Variants in NLRP1 observed in about 807,000 individuals in gnomAD.
NLRP1 encodes the protein NLR family pyrin domain containing 1.
NLRP1 carries 94 observed loss-of-function variants against 136.7 expected under a neutral mutation model. The observed-to-expected ratio is 0.69, with a 90% confidence interval of 0.58 to 0.82. NLRP1 has a LOEUF of 0.82. Ranked by LOEUF, NLRP1 falls within the 40% of genes least tolerant of loss-of-function variation. The pLI, the probability that NLRP1 is intolerant of heterozygous loss-of-function variation, is 0.00. For missense variants in NLRP1, 1,575 were observed against 1,802.7 expected, an observed-to-expected ratio of 0.87 and a Z score of 2.29; for synonymous variants, 690 against 725.1, an observed-to-expected ratio of 0.95 and a Z score of 0.78.
At chr17:5,555,918 C>G (rs1913989946) in intron 4 of NLRP1, among the ~76,000 whole-genome samples, 1 of 150,262 alleles carries the variant, frequency 6.7e-6, no homozygotes, top group Non-Finnish European at 1.5e-5. Context: ...CATGGTGAAA[C>G]CCCGTTTCTA....
Position 5,584,251 on chromosome 17 carries a change from G to A in NLRP1, c.-294C>T. 2 of 498,472 alleles carry A rather than the reference G, an allele frequency of 4.0e-6. No individual in the cohort carries two copies. The highest frequency in any genetic ancestry group is 3.7e-5 in the East Asian group (1 of 27,162). The allele number at this position is 498,472 out of a possible 1,614,324, so 30.9% of individuals were successfully genotyped here. On this transcript the variant is annotated 5_prime_UTR_variant, in exon 1 of 17. Transcript: ENST00000572272. Reference sequence around the variant, plus strand: ...GCCAGGCAGGGAGGGTGAGGGTGAGGGGAGATGTGGTGACGGGAGATGGGG... The same window carrying A: ...GCCAGGCAGGGAGGGTGAGGGTGAGAGGAGATGTGGTGACGGGAGATGGGG...
At chr17:5,505,998 A>G (rs2151727001) in intron 15 of NLRP1, 1 of 152,350 alleles carries the variant, frequency 6.6e-6, no homozygotes, top group Admixed American at 6.5e-5. Flanking sequence ...AAAATCATCA[A>G]ACAGGGCCAG....
intron 8 of NLRP1, among the ~76,000 whole-genome samples, chr17:5,535,358 G>GT (rs1910911496): frequency 1.3e-5 from 2 of 152,172 alleles, no homozygotes; most frequent in South Asian, 4.1e-4. Flanking sequence ...ACGGACCACA[G>GT]TTTGAGTAGC....
intron 15 of NLRP1, chr17:5,503,227 G>A (rs1026058124): frequency 1.3e-5 from 2 of 152,408 alleles, no homozygotes; most frequent in African/African-American, 4.8e-5. Flanking sequence ...TGGAATGGAA[G>A]GGTGTGTAGA....
chr17:5,545,339 C>CACACAG (rs1953784859), intron 5 of NLRP1, among the ~76,000 whole-genome samples: 1 of 33,090 alleles, frequency 3.0e-5, no homozygotes, highest in Non-Finnish European at 7.5e-5. Context: ...GACACACAGA[C>CACACAG]ACACACACAC....
At chr17:5,511,782 T>G (rs1307905824), downstream of NLRP1, among the ~76,000 whole-genome samples, 1 of 149,316 alleles carries the variant, frequency 6.7e-6, no homozygotes, top group Non-Finnish European at 1.5e-5. Flanking sequence ...TCTTTCTTCT[T>G]TCTTTCTCTT....
Position 5,541,846 on chromosome 17 carries a change from A to G in NLRP1, c.2699+11T>C. The G allele has an allele frequency of 2.5e-6, 4 of 1,613,390 alleles. No homozygotes were observed. Among genetic ancestry groups the G allele is most frequent in the Non-Finnish European group, 3.4e-6 (4 of 1,179,790 alleles). The stretch of plus-strand genomic sequence containing the variant: ...TCCCTCCACCTCCCCCTGCCCACCA[A>G]GAACAATTACTGCAGTCGCTGTAGC... On this transcript the variant is annotated intron_variant, in intron 6 of 16. Coordinates refer to ENST00000572272, the MANE Select transcript of NLRP1 (RefSeq NM_033004.4). This position sits in a 1 kb window ranked among gnomAD's most constrained non-coding sequence, Gnocchi z 4.2.
At chr17:5,531,081 G>C (rs886737015) in intron 11 of NLRP1, among the ~76,000 whole-genome samples, 1 of 152,154 alleles carries the variant, frequency 6.6e-6, no homozygotes, top group Non-Finnish European at 1.5e-5. Flanking sequence ...GTATATGTAA[G>C]GGGCCTATTT....
At chr17:5,579,928 A>C (rs1905418155) in intron 3 of NLRP1, among the ~76,000 whole-genome samples, 1 of 152,122 alleles carries the variant, frequency 6.6e-6, no homozygotes, top group Admixed American at 6.6e-5. Context: ...GAGTGGGAGA[A>C]GGGTAAGGAT....
intron 3 of NLRP1, among the ~76,000 whole-genome samples, chr17:5,572,873 T>C (rs1407674229): frequency 6.6e-6 from 1 of 152,228 alleles, no homozygotes; most frequent in Non-Finnish European, 1.5e-5. Flanking sequence ...AGCTCCGGTC[T>C]ACAACTCCCA....
intron 8 of NLRP1, among the ~76,000 whole-genome samples, chr17:5,536,190 C>T (rs1437486411): frequency 6.6e-6 from 1 of 151,964 alleles, no homozygotes; most frequent in Non-Finnish European, 1.5e-5. Flanking sequence ...GCTCTGTCAC[C>T]CAGGCTGGAG....
At chr17:5,571,333 T>C (rs1361009275) in intron 3 of NLRP1, among the ~76,000 whole-genome samples, 1 of 152,178 alleles carries the variant, frequency 6.6e-6, no homozygotes, top group African/African-American at 2.4e-5. Context: ...TGTTTGCAGA[T>C]GTTATGATTT....
downstream of NLRP1, among the ~76,000 whole-genome samples, chr17:5,513,209 T>C (rs1192445439): frequency 6.6e-6 from 1 of 152,210 alleles, no homozygotes; most frequent in Non-Finnish European, 1.5e-5. Flanking sequence ...AGAAGACTAG[T>C]TTTCCAGCCT....
intron 16 of NLRP1, 87 bp downstream of exon 16, chr17:5,515,386 C>T: frequency 8.5e-7 from 1 of 1,171,288 alleles, no homozygotes; most frequent in South Asian, 1.3e-5. Context: ...TGATGAGTCC[C>T]TTCCTTTCTC....
chr17:5,521,753 G>T lies in NLRP1; in HGVS notation c.3554C>A (p.Ala1185Asp), dbSNP rs1474111916. 3 of 1,612,090 alleles carry T rather than the reference G, an allele frequency of 1.9e-6. No individual in the cohort carries two copies. The highest frequency in any genetic ancestry group is 2.5e-6 in the Non-Finnish European group (3 of 1,179,550). Reference protein sequence around the residue: ...GHVDTSLFQMAHFKEEGMLLE... With the variant: ...GHVDTSLFQMDHFKEEGMLLE... ...GAGCATCCCCTCCTCTTTAAAGTGG[G>T]CCATTTGGAACAGGGATGTGTCCAC... is the stretch of plus-strand genomic sequence containing the variant. Residue 1185 changes from alanine to aspartate, a missense_variant, in exon 13 of 17, where the codon GCC (alanine) becomes GAC (aspartate). Coordinates refer to ENST00000572272, the MANE Select transcript of NLRP1 (RefSeq NM_033004.4).
chr17:5,506,914 A>G (rs985582561), intron 15 of NLRP1, among the ~76,000 whole-genome samples: 1 of 135,474 alleles, frequency 7.4e-6, no homozygotes, highest in Non-Finnish European at 1.5e-5. Context: ...AAAAAAAAAA[A>G]AAAAAAAAAA....
At chr17:5,565,507 T>C (rs1173874320) in intron 3 of NLRP1, among the ~76,000 whole-genome samples, 1 of 152,226 alleles carries the variant, frequency 6.6e-6, no homozygotes, top group East Asian at 1.9e-4. Context: ...TGTTTGTCCA[T>C]GTTTGCTTTG....
downstream of NLRP1, among the ~76,000 whole-genome samples, chr17:5,509,617 G>T (rs77680214): frequency 0.074 from 11,203 of 152,196 alleles, 519 homozygotes; most frequent in South Asian, 0.19. Flanking sequence ...GCCTACACTG[G>T]AGTACAATGG....
intron 5 of NLRP1, among the ~76,000 whole-genome samples, chr17:5,551,900 G>T (rs1913409322): frequency 6.6e-6 from 1 of 152,032 alleles, no homozygotes; most frequent in Non-Finnish European, 1.5e-5. Context: ...CTCCTAAGTA[G>T]TTATGACAAC....
Sources: allele counts gnomAD v4.1 joint callset (sites outside exome capture counted in the v4.1 genomes callset), GRCh38; gene constraint gnomAD v4.1.1; non-coding constraint Gnocchi (gnomAD v3.1); transcripts MANE v1.5; gene names NCBI Gene and HGNC (gene_info 2026-07-23, HGNC 2026-07-21).